DLGAP1: variants seen among roughly 807,000 people sequenced by gnomAD.
The protein encoded by DLGAP1 is disks large-associated protein 1.
DLGAP1 carries 11 observed loss-of-function variants against 90.8 expected under a neutral mutation model. That is an observed-to-expected ratio of 0.12 (90% confidence interval 0.08 to 0.20). The LOEUF (loss-of-function observed/expected upper bound fraction) is 0.20, where lower values mean the gene tolerates loss of function less well. Ranked by LOEUF, DLGAP1 falls within the 10% of genes least tolerant of loss-of-function variation. The probability of loss-of-function intolerance (pLI) is 1.00; values close to 1 mark genes in which losing one functional copy is unlikely to be tolerated. For missense variants in DLGAP1, 1,050 were observed against 1,333.8 expected, an observed-to-expected ratio of 0.79 and a Z score of 3.31; for synonymous variants, 558 against 540.7, an observed-to-expected ratio of 1.03 and a Z score of -0.44.
At chr18:4,013,744 G>A (rs1278486456) in intron 2 of DLGAP1, 1 of 152,100 alleles carries the variant, frequency 6.6e-6, no homozygotes, top group African/African-American at 2.4e-5. Flanking sequence ...TTCCTTAAAA[G>A]TTGTCCATTT....
intron 1 of DLGAP1, among the ~76,000 whole-genome samples, chr18:4,305,033 T>C (rs1216139048): frequency 6.6e-6 from 1 of 152,192 alleles, no homozygotes; most frequent in African/African-American, 2.4e-5. Context: ...CTTTTAGTCT[T>C]GAGACTAATA....
At chr18:4,417,695 T>C (rs905560040) in intron 1 of DLGAP1, among the ~76,000 whole-genome samples, 2 of 151,952 alleles carry the variant, frequency 1.3e-5, no homozygotes, top group African/African-American at 4.8e-5. Flanking sequence ...AAAACCAATT[T>C]CAGCTGAGGG....
At chr18:4,103,631 A>G (rs2075814723) in intron 2 of DLGAP1, among the ~76,000 whole-genome samples, 2 of 152,174 alleles carry the variant, frequency 1.3e-5, no homozygotes, top group South Asian at 4.1e-4. Flanking sequence ...ATAGTATTGA[A>G]TAATACCTGA....
chr18:4,218,661 T>A lies in DLGAP1; in HGVS notation c.-266-67374A>T, dbSNP rs755858084. Among the ~76,000 whole-genome samples the A allele has an allele frequency of 2.0e-5, 3 of 152,130 alleles. No homozygotes were observed. The East Asian group carries it at 5.8e-4, about 29-fold the overall frequency. Reference sequence around the variant, plus strand: ...GCTTCTGATAGTCATCATTCTACTCTATACGTCTATGAATTCAACTTTTTA... The same window carrying A: ...GCTTCTGATAGTCATCATTCTACTCAATACGTCTATGAATTCAACTTTTTA... On this transcript the variant is annotated intron_variant, in intron 1 of 12. Coordinates refer to ENST00000315677, the MANE Select transcript of DLGAP1 (RefSeq NM_004746.4).
chr18:4,372,844 C>T (rs1047229360), intron 1 of DLGAP1, among the ~76,000 whole-genome samples: 1 of 151,932 alleles, frequency 6.6e-6, no homozygotes, highest in African/African-American at 2.4e-5. Flanking sequence ...ATGAGAATCA[C>T]TTGAACCCAG....
At chr18:4,071,373 AAAT>A (rs529300230) in intron 2 of DLGAP1, among the ~76,000 whole-genome samples, 2 of 152,134 alleles carry the variant, frequency 1.3e-5, no homozygotes, top group African/African-American at 2.4e-5. Context: ...TTTTCATAGG[AAAT>A]AATAATATGC....
At chr18:3,793,127 ATTGC>A (rs2065818968) in intron 5 of DLGAP1, among the ~76,000 whole-genome samples, 1 of 152,158 alleles carries the variant, frequency 6.6e-6, no homozygotes, top group Admixed American at 6.5e-5. Flanking sequence ...TAGCAGATGA[ATTGC>A]TTGCCCTCTC....
chr18:4,104,571 T>G (rs892689392), intron 2 of DLGAP1, among the ~76,000 whole-genome samples: 1 of 152,202 alleles, frequency 6.6e-6, no homozygotes, highest in Non-Finnish European at 1.5e-5. Context: ...GTATTGTTTA[T>G]TTTTTCATTT....
chr18:3,773,351 G>A (rs1004124510), intron 5 of DLGAP1, among the ~76,000 whole-genome samples: 1 of 152,110 alleles, frequency 6.6e-6, no homozygotes, highest in Non-Finnish European at 1.5e-5. Context: ...ATACTACCAA[G>A]CATAACACAG....
intron 3 of DLGAP1, chr18:3,986,331 A>G (rs2073842220): frequency 1.3e-5 from 2 of 152,230 alleles, no homozygotes. Flanking sequence ...GCATTCAGCT[A>G]TCATTTTCTA....
At chr18:3,741,026 C>CACCT (rs2062913634) in intron 6 of DLGAP1, among the ~76,000 whole-genome samples, 2 of 127,078 alleles carry the variant, frequency 1.6e-5, no homozygotes, top group Non-Finnish European at 3.4e-5. Context: ...ATCACCACCA[C>CACCT]CACCACCACC....
At chr18:4,034,585 G>A (rs2074857616) in intron 2 of DLGAP1, among the ~76,000 whole-genome samples, 1 of 152,074 alleles carries the variant, frequency 6.6e-6, no homozygotes, top group Admixed American at 6.6e-5. Flanking sequence ...ACCTTCCTCA[G>A]TAGGAAGTTG....
chr18:3,823,698 C>T (rs1382286164), intron 4 of DLGAP1, among the ~76,000 whole-genome samples: 1 of 151,926 alleles, frequency 6.6e-6, no homozygotes. Context: ...GATGCTTGGC[C>T]CAGCACTTTG....
Position 4,342,707 on chromosome 18 carries a change from T to C in DLGAP1, c.-267+112299A>G, listed in dbSNP as rs2081219202. On this transcript the variant is annotated intron_variant, in intron 1 of 12. Coordinates refer to ENST00000315677, the MANE Select transcript of DLGAP1 (RefSeq NM_004746.4). The surrounding 1 kb of genome is among the most constrained non-coding windows in gnomAD (Gnocchi z 5.8). Reference sequence around the variant, plus strand: ...AATCTGCAGATGTATGTTGAAAGATTTGACATATCATTCTTATACCTGCTT... The same window carrying C: ...AATCTGCAGATGTATGTTGAAAGATCTGACATATCATTCTTATACCTGCTT... Among the ~76,000 whole-genome samples, 1 of 152,230 alleles carries C rather than the reference T, an allele frequency of 6.6e-6. No individual in the cohort carries two copies. Among genetic ancestry groups the C allele is most frequent in the African/African-American group, 2.4e-5 (1 of 41,456 alleles).
chr18:4,076,748 C>T (rs1325155555), intron 2 of DLGAP1, among the ~76,000 whole-genome samples: 7 of 151,976 alleles, frequency 4.6e-5, no homozygotes, highest in East Asian at 1.9e-4. Context: ...CTCAACCTCC[C>T]GAGTAGCTGG....
intron 7 of DLGAP1, among the ~76,000 whole-genome samples, chr18:3,646,954 T>C (rs1168541450): frequency 2.7e-5 from 4 of 149,016 alleles, no homozygotes; most frequent in Non-Finnish European, 4.4e-5. Context: ...ATAAAATATA[T>C]CTATTGTAAC....
At chr18:4,286,712 G>A (rs1280217004) in intron 1 of DLGAP1, among the ~76,000 whole-genome samples, 2 of 152,172 alleles carry the variant, frequency 1.3e-5, no homozygotes, top group Non-Finnish European at 2.9e-5. Flanking sequence ...CAAGGAACAA[G>A]AGAGGCAGAA....
intron 1 of DLGAP1, among the ~76,000 whole-genome samples, chr18:4,359,865 G>C (rs949851940): frequency 1.3e-5 from 2 of 152,164 alleles, no homozygotes; most frequent in Admixed American, 6.5e-5. Context: ...CATATAGTCT[G>C]TATTTGAAAG....
At chr18:3,557,819 C>A (rs889671996) in intron 9 of DLGAP1, among the ~76,000 whole-genome samples, 2 of 151,948 alleles carry the variant, frequency 1.3e-5, no homozygotes, top group Admixed American at 6.6e-5. Flanking sequence ...CACAGCTACT[C>A]GGAAGGCTGA....
Sources: allele counts gnomAD v4.1 joint callset (sites outside exome capture counted in the v4.1 genomes callset), GRCh38; gene constraint gnomAD v4.1.1; non-coding constraint Gnocchi (gnomAD v3.1); transcripts MANE v1.5; gene names NCBI Gene and HGNC (gene_info 2026-07-23, HGNC 2026-07-21).